The following SEMA6D variants were observed in gnomAD, a reference collection of about 807,000 sequenced individuals.
SEMA6D encodes semaphorin-6D.
SEMA6D carries 35 observed loss-of-function variants against 106.6 expected under a neutral mutation model. The ratio of observed to expected loss-of-function variants is 0.33; its 90% CI spans 0.25 to 0.44. The LOEUF is 0.44. SEMA6D is among the 20% of genes least tolerant of loss of function. The pLI is 1.00. For synonymous variants in SEMA6D, 499 were observed against 487.7 expected, an observed-to-expected ratio of 1.02 and a Z score of -0.31; for missense variants, 1,185 against 1,345.9, an observed-to-expected ratio of 0.88 and a Z score of 1.87.
rs202175641 is a variant in SEMA6D, at chr15:47,771,029, G to T, written c.2466G>T (p.Gly822=). 2 of 1,614,000 alleles carry T rather than the reference G, an allele frequency of 1.2e-6. No homozygotes were observed. The highest frequency in any genetic ancestry group is 1.7e-6 in the Non-Finnish European group (2 of 1,180,014). Residue 822 remains glycine, a synonymous_variant, in exon 19 of 19, where the codon GGG becomes GGT. Coordinates refer to ENST00000536845, the MANE Select transcript of SEMA6D (RefSeq NM_001358351.3). The stretch of plus-strand genomic sequence containing the variant: ...CACCTCATTCCCCATTAAGTCATGG[G>T]CATATCCCCAGTGCCATTGTTCTTC... ...SPPPHSPLSH[G]HIPSAIVLPN...
rs533357584 is a variant in SEMA6D at position 47,661,263 on chromosome 15, C to T, written c.-55+60367C>T. Reference sequence around the variant, plus strand: ...TTGAGGTAGCCTGTTGTAAATGCCTCCTTTTACATACTTTCACATCCTTCT... The same window carrying T: ...TTGAGGTAGCCTGTTGTAAATGCCTTCTTTTACATACTTTCACATCCTTCT... On this transcript the variant is annotated intron_variant, in intron 4 of 19. Transcript: ENST00000558014. Among the ~76,000 whole-genome samples, 18 of 152,292 alleles carry T rather than the reference C, an allele frequency of 1.2e-4. 1 individual carries two copies. The highest frequency in any genetic ancestry group is 4.3e-4 in the African/African-American group (18 of 41,568).
At chr15:47,575,786 A>G (rs768970199) in intron 3 of SEMA6D, among the ~76,000 whole-genome samples, 9 of 151,236 alleles carry the variant, frequency 6.0e-5, no homozygotes, top group Non-Finnish European at 1.3e-4. Flanking sequence ...CATTCAGGTG[A>G]TCTCTTTAAA....
chr15:47,735,051 CTT>C (rs1016210022), intron 1 of SEMA6D, among the ~76,000 whole-genome samples: 9 of 152,166 alleles, frequency 5.9e-5, no homozygotes, highest in African/African-American at 2.2e-4. Flanking sequence ...TTTTGCCACA[CTT>C]AAAAAAAAAT....
chr15:47,749,245 A>C (rs2147275230), intron 1 of SEMA6D, among the ~76,000 whole-genome samples: 1 of 151,816 alleles, frequency 6.6e-6, no homozygotes, highest in African/African-American at 2.4e-5. Flanking sequence ...CCATGCCCAG[A>C]TAATTTTTGT....
chr15:47,263,032 A>G (rs1032964873), intron 1 of SEMA6D, among the ~76,000 whole-genome samples: 4 of 152,036 alleles, frequency 2.6e-5, no homozygotes, highest in Non-Finnish European at 5.9e-5. Context: ...TTTTTACATC[A>G]TATACAAAAA....
chr15:47,242,575 G>A (rs992547362), intron 1 of SEMA6D, among the ~76,000 whole-genome samples: 1 of 152,172 alleles, frequency 6.6e-6, no homozygotes, highest in African/African-American at 2.4e-5. Flanking sequence ...AAACTTGGGG[G>A]TCAGGCTTGA....
chr15:47,484,521 A>C (rs1435977538), intron 3 of SEMA6D, among the ~76,000 whole-genome samples: 2 of 152,174 alleles, frequency 1.3e-5, no homozygotes, highest in Non-Finnish European at 2.9e-5. Context: ...CAGAGGCCAC[A>C]CAGCAACTTA....
chr15:47,563,796 G>T (rs2046148413), intron 3 of SEMA6D, among the ~76,000 whole-genome samples: 1 of 152,130 alleles, frequency 6.6e-6, no homozygotes, highest in Non-Finnish European at 1.5e-5. Context: ...ATTAATAAAA[G>T]CATCACATTT....
At chr15:47,310,852 A>C (rs1240530254) in intron 1 of SEMA6D, among the ~76,000 whole-genome samples, 8 of 152,208 alleles carry the variant, frequency 5.3e-5, no homozygotes, top group Admixed American at 5.2e-4. Flanking sequence ...TGTAAGTTCT[A>C]GTTCCTTCGT....
intron 1 of SEMA6D, among the ~76,000 whole-genome samples, chr15:47,743,663 G>T (rs2080950800): frequency 6.6e-6 from 1 of 152,162 alleles, no homozygotes; most frequent in Non-Finnish European, 1.5e-5. Flanking sequence ...TGAGGAATCA[G>T]TCATGAAGAG....
chr15:47,270,591 A>T (rs896049271), intron 1 of SEMA6D, among the ~76,000 whole-genome samples: 1 of 152,190 alleles, frequency 6.6e-6, no homozygotes, highest in Non-Finnish European at 1.5e-5. Flanking sequence ...TGATGTGAAC[A>T]CTAAGAAACT....
At position 47,348,694 on chromosome 15, in the gene SEMA6D, CA is replaced by C. The variant is rs891267714; in HGVS notation, c.-238-63698del. 3.6e-5 allele frequency among the ~76,000 whole-genome samples: 4 copies of C among 110,984 alleles called. No homozygotes were observed. The South Asian group carries it at 9.3e-4, about 26-fold the overall frequency. The allele number at this position is 110,984 out of a possible 152,430, so 72.8% of individuals were successfully genotyped here. The stretch of plus-strand genomic sequence containing the variant: ...TACATCACACACACACACACACACA[CA>C]CACACACACACACACACACACACCA... On this transcript the variant is annotated intron_variant, in intron 1 of 19. Coordinates refer to the SEMA6D transcript ENST00000558014.
At chr15:47,292,717 G>A (rs1231840451) in intron 1 of SEMA6D, among the ~76,000 whole-genome samples, 3 of 152,164 alleles carry the variant, frequency 2.0e-5, no homozygotes, top group African/African-American at 4.8e-5. Flanking sequence ...AAATCACAGC[G>A]TATATTGTGT....
chr15:47,434,574 T>A (rs1346602189), intron 2 of SEMA6D, among the ~76,000 whole-genome samples: 9 of 152,194 alleles, frequency 5.9e-5, no homozygotes, highest in Admixed American at 5.9e-4. Flanking sequence ...TTTCCTTCTC[T>A]GTCTTCAGAA....
intron 4 of SEMA6D, among the ~76,000 whole-genome samples, chr15:47,641,355 G>A (rs949323284): frequency 2.6e-5 from 4 of 152,178 alleles, no homozygotes; most frequent in Non-Finnish European, 4.4e-5. Flanking sequence ...GTGACTCGGG[G>A]CCTGTTATTT....
chr15:47,557,869 G>A (rs1159507276), intron 3 of SEMA6D, among the ~76,000 whole-genome samples: 1 of 152,146 alleles, frequency 6.6e-6, no homozygotes, highest in African/African-American at 2.4e-5. Flanking sequence ...TGCAAGGTAA[G>A]CTGTACTGTT....
At chr15:47,658,660 A>G (rs1466157647) in intron 4 of SEMA6D, among the ~76,000 whole-genome samples, 1 of 152,116 alleles carries the variant, frequency 6.6e-6, no homozygotes, top group Non-Finnish European at 1.5e-5. Context: ...TCAGTCTGTC[A>G]TTTTCTAGTG....
chr15:47,406,232 A>T (rs1347160788), intron 1 of SEMA6D, among the ~76,000 whole-genome samples: 1 of 152,256 alleles, frequency 6.6e-6, no homozygotes, highest in Non-Finnish European at 1.5e-5. Context: ...AGCTCAGTCT[A>T]TATGAACATA....
rs1029748928 is a variant in SEMA6D, at chr15:47,615,743, T to A, written c.-55+14847T>A. ...AGTGTGCCACACATAAGAAGGAAAT[T>A]CTATTTTATTTGACACTCATGCAAG... On this transcript the variant is annotated intron_variant, in intron 4 of 19. Coordinates refer to the SEMA6D transcript ENST00000558014. 2.0e-5 allele frequency among the ~76,000 whole-genome samples: 3 copies of A among 152,236 alleles called. No individual in the cohort carries two copies. The East Asian group carries it at 5.8e-4, about 29-fold the overall frequency.
Sources: allele counts gnomAD v4.1 joint callset (sites outside exome capture counted in the v4.1 genomes callset), GRCh38; gene constraint gnomAD v4.1.1; transcripts MANE v1.5; gene names NCBI Gene and HGNC (gene_info 2026-07-23, HGNC 2026-07-21).